IL1RAPL2: variants seen among roughly 807,000 people sequenced by gnomAD.
IL1RAPL2 encodes interleukin 1 receptor accessory protein like 2.
IL1RAPL2 carries 3 observed loss-of-function variants against 44.1 expected under a neutral mutation model. The observed-to-expected ratio is 0.07, with a 90% CI of 0.03 to 0.18. The LOEUF (loss-of-function observed/expected upper bound fraction) is 0.18, where lower values mean the gene tolerates loss of function less well. Among genes scored for constraint, IL1RAPL2 ranks in the 10% least tolerant of loss-of-function variants. The pLI is 1.00. For missense variants in IL1RAPL2, 391 were observed against 496.4 expected (o/e 0.79, Z 2.02); for synonymous variants, 181 against 178.8 (o/e 1.01, Z -0.10).
At position 105,085,718 on chromosome X, in the gene IL1RAPL2, C is replaced by T. The variant is rs746844486; in HGVS notation, c.83-109757C>T. Among the ~76,000 whole-genome samples, 96 of 111,790 alleles carry T rather than the reference C, an allele frequency of 8.6e-4. 1 individual carries two copies. In the Admixed American group the frequency reaches 8.8e-3, roughly 10 times the overall value. On this transcript the variant is annotated intron_variant, in intron 2 of 10. Transcript: ENST00000372582. Reference sequence around the variant, plus strand: ...CATGGGAGTTAGGGATGCTGACTCTCACGGCAGTTGAAAGCTCATGTATAA... The same window carrying T: ...CATGGGAGTTAGGGATGCTGACTCTTACGGCAGTTGAAAGCTCATGTATAA...
intron 2 of IL1RAPL2, among the ~76,000 whole-genome samples, chrX:105,193,018 C>G (rs1048564257): frequency 8.9e-6 from 1 of 111,997 alleles, no homozygotes; most frequent in Admixed American, 9.5e-5. Context: ...AAATGTCTTA[C>G]ACTGCCATTG....
chrX:105,517,477 G>A (rs1016746370), intron 6 of IL1RAPL2, among the ~76,000 whole-genome samples: 6 of 110,946 alleles, frequency 5.4e-5, no homozygotes, highest in African/African-American at 2.0e-4. Context: ...ATTCTATAAT[G>A]CAAATTTGAA....
intron 2 of IL1RAPL2, among the ~76,000 whole-genome samples, chrX:104,896,540 G>T (rs931296003): frequency 9.0e-6 from 1 of 111,658 alleles, no homozygotes; most frequent in Non-Finnish European, 1.9e-5. Context: ...GAGACTTGGA[G>T]AGCTTTTCTG....
chrX:105,681,892 T>C (rs1402835078), intron 6 of IL1RAPL2, among the ~76,000 whole-genome samples: 1 of 112,185 alleles, frequency 8.9e-6, no homozygotes, highest in African/African-American at 3.2e-5. Flanking sequence ...ACAGTCATCC[T>C]TTTTTAATGA....
chrX:105,478,971 A>G (rs961508814), intron 5 of IL1RAPL2, among the ~76,000 whole-genome samples: 2 of 112,287 alleles, frequency 1.8e-5, no homozygotes, highest in African/African-American at 3.2e-5. Context: ...TTTGTATTCA[A>G]AGTAGTACAT....
chrX:104,756,348 C>A (rs1932339501), intron 2 of IL1RAPL2, among the ~76,000 whole-genome samples: 1 of 110,997 alleles, frequency 9.0e-6, no homozygotes, highest in South Asian at 3.8e-4. Flanking sequence ...AACTTGCCTC[C>A]AAATCAAGCC....
intron 5 of IL1RAPL2, among the ~76,000 whole-genome samples, chrX:105,272,065 A>G (rs1478656848): frequency 1.0e-5 from 1 of 99,702 alleles, no homozygotes; most frequent in Admixed American, 1.2e-4. Context: ...TCTCACTCAT[A>G]GGTGGGAATT....
At chrX:104,718,646 C>T (rs1288828061) in intron 2 of IL1RAPL2, among the ~76,000 whole-genome samples, 9 of 111,164 alleles carry the variant, frequency 8.1e-5, no homozygotes. Flanking sequence ...TGAGGCCTCT[C>T]CAGCCATGTG....
chrX:105,223,288 G>A (rs1364901892), intron 3 of IL1RAPL2, among the ~76,000 whole-genome samples: 1 of 111,729 alleles, frequency 9.0e-6, no homozygotes, highest in Non-Finnish European at 1.9e-5. Context: ...TTACAGCAGC[G>A]GTTGAAATAA....
At chrX:105,487,889 A>G (rs1228313396) in intron 6 of IL1RAPL2, among the ~76,000 whole-genome samples, 1 of 112,234 alleles carries the variant, frequency 8.9e-6, no homozygotes, top group Non-Finnish European at 1.9e-5. Context: ...TATGTCTGGA[A>G]AACTTGAAGA....
intron 2 of IL1RAPL2, among the ~76,000 whole-genome samples, chrX:105,025,239 T>C (rs192907567): frequency 1.8e-5 from 2 of 111,694 alleles, no homozygotes; most frequent in African/African-American, 6.5e-5. Flanking sequence ...GCTAAAACTT[T>C]GTTACAAGTA....
chrX:105,730,805 C>T (rs1761506585), intron 7 of IL1RAPL2, among the ~76,000 whole-genome samples: 2 of 110,894 alleles, frequency 1.8e-5, no homozygotes, highest in African/African-American at 3.3e-5. Context: ...TTTAAAAAGT[C>T]GAGAAACAAA....
At chrX:104,597,326 C>T (rs1199267807) in intron 1 of IL1RAPL2, among the ~76,000 whole-genome samples, 1 of 85,974 alleles carries the variant, frequency 1.2e-5, no homozygotes, top group African/African-American at 4.6e-5. Flanking sequence ...CCTGGGGCAA[C>T]AGAGTGAGAC....
chrX:105,195,818 T>C, intron 3 of IL1RAPL2, 70 bp downstream of exon 3: 2 of 1,003,995 alleles, frequency 2.0e-6, no homozygotes, highest in Admixed American at 2.3e-5. Context: ...TGAGTACATG[T>C]AGGTATGCCT....
At chrX:104,893,319 G>T (rs754420981) in intron 2 of IL1RAPL2, among the ~76,000 whole-genome samples, 10 of 111,643 alleles carry the variant, frequency 9.0e-5, no homozygotes, top group Non-Finnish European at 1.9e-4. Flanking sequence ...ACTTGGTGCA[G>T]AGCTGGGTTC....
intron 1 of IL1RAPL2, among the ~76,000 whole-genome samples, chrX:104,609,128 T>C (rs1422598031): frequency 8.9e-6 from 1 of 112,118 alleles, no homozygotes; most frequent in African/African-American, 3.2e-5. Context: ...TTTGGCTGGA[T>C]ATGAAATTCT....
At chrX:105,744,349 C>G (rs1169145300) in intron 8 of IL1RAPL2, among the ~76,000 whole-genome samples, 1 of 111,156 alleles carries the variant, frequency 9.0e-6, no homozygotes, top group African/African-American at 3.3e-5. Flanking sequence ...AGTGGAAGCC[C>G]AAGAAAGAGC....
chrX:104,802,231 GC>G (rs1932889258), intron 2 of IL1RAPL2, among the ~76,000 whole-genome samples: 1 of 109,079 alleles, frequency 9.2e-6, no homozygotes, highest in Non-Finnish European at 1.9e-5. Flanking sequence ...TGTAATCTCA[GC>G]TACTCAGGAA....
chrX:105,613,825 GAAC>G (rs765330488), intron 6 of IL1RAPL2, among the ~76,000 whole-genome samples: 1 of 111,463 alleles, frequency 9.0e-6, no homozygotes, highest in Non-Finnish European at 1.9e-5. Flanking sequence ...GCAGTAAATA[GAAC>G]AACAGACAGA....
Sources: allele counts gnomAD v4.1 joint callset (sites outside exome capture counted in the v4.1 genomes callset), GRCh38; gene constraint gnomAD v4.1.1; transcripts MANE v1.5; gene names NCBI Gene and HGNC (gene_info 2026-07-23, HGNC 2026-07-21).